Variants in TRIM33 observed in about 807,000 individuals in gnomAD.
TRIM33 encodes tripartite motif containing 33.
A neutral mutation model predicts 125.4 loss-of-function variants in TRIM33; 20 were observed. The ratio of observed to expected loss-of-function variants is 0.16; its 90% CI spans 0.11 to 0.23. The LOEUF (loss-of-function observed/expected upper bound fraction) is 0.23. TRIM33 is among the 10% of genes least tolerant of loss of function. The pLI is 1.00. For synonymous variants in TRIM33, 564 were observed against 513.9 expected, an observed-to-expected ratio of 1.10 and a Z score of -1.32; for missense variants, 920 against 1,411.4, an observed-to-expected ratio of 0.65 and a Z score of 5.58.
At chr1:114,454,402 T>C (rs1649506720) in intron 4 of TRIM33, among the ~76,000 whole-genome samples, 1 of 152,046 alleles carries the variant, frequency 6.6e-6, no homozygotes, top group Admixed American at 6.6e-5. Context: ...AGAAAAAAAG[T>C]AGGCCAGGCA....
At chr1:114,461,257 TTTATATATA>T (rs1649973361) in intron 4 of TRIM33, among the ~76,000 whole-genome samples, 1 of 146,500 alleles carries the variant, frequency 6.8e-6, no homozygotes, top group Non-Finnish European at 1.5e-5. Flanking sequence ...TATTTTATAT[TTTATATATA>T]TTATATATTT....
intron 1 of TRIM33, among the ~76,000 whole-genome samples, chr1:114,486,470 C>T (rs759246113): frequency 2.9e-5 from 4 of 138,930 alleles, no homozygotes; most frequent in Admixed American, 7.5e-5. Flanking sequence ...AAAAAATATA[C>T]AAAAATTAGC....
intron 1 of TRIM33, among the ~76,000 whole-genome samples, chr1:114,487,805 G>A (rs1048638195): frequency 6.7e-6 from 1 of 148,634 alleles, no homozygotes; most frequent in Non-Finnish European, 1.5e-5. Flanking sequence ...GCTGAGGCAG[G>A]AGAATGGCGT....
rs1164478772 is a variant in TRIM33, at chr1:114,421,600, C to G, written c.1897G>C (p.Val633Leu). 1 of 1,613,954 alleles carries G rather than the reference C, an allele frequency of 6.2e-7. No homozygotes were observed. The highest frequency in any genetic ancestry group is 2.2e-5 in the East Asian group (1 of 44,894). Residue 633 changes from valine to leucine, a missense_variant, in exon 11 of 20, where the codon GTA (valine) becomes CTA (leucine). By Grantham distance (32) the Val-to-Leu change is conservative. Around this residue, in one of 8 missense-constraint regions of TRIM33, gnomAD observed 407 missense variants for 589.7 expected, o/e 0.69. Transcript: ENST00000358465. ...NPGHAGPFPV[V>L]SVHNTTINPT... Reference sequence around the variant, plus strand: ...TTGATTGTGGTGTTGTGTACCGATACTACGGGAAAGGGTCCAGCATGCCCT... The same window carrying G: ...TTGATTGTGGTGTTGTGTACCGATAGTACGGGAAAGGGTCCAGCATGCCCT...
intron 2 of TRIM33, among the ~76,000 whole-genome samples, 192 bp from the exon 3 acceptor site, chr1:114,463,748 G>A (rs1372315897): frequency 6.7e-6 from 1 of 149,688 alleles, no homozygotes; most frequent in Admixed American, 6.7e-5. Flanking sequence ...CTGAGAACAC[G>A]AAGTCTGTGC....
At chr1:114,458,831 C>T (rs1030075530) in intron 4 of TRIM33, among the ~76,000 whole-genome samples, 1 of 151,910 alleles carries the variant, frequency 6.6e-6, no homozygotes, top group Non-Finnish European at 1.5e-5. Flanking sequence ...TTAATGGGGG[C>T]TCAACTATAC....
intron 16 of TRIM33, among the ~76,000 whole-genome samples, chr1:114,402,364 A>G (rs1572007621): frequency 6.6e-6 from 1 of 152,222 alleles, no homozygotes; most frequent in Non-Finnish European, 1.5e-5. Flanking sequence ...GATGTAAGGT[A>G]AGAAAATCAT....
At chr1:114,406,904 G>A in intron 14 of TRIM33, 37 bp downstream of exon 14, 3 of 1,593,240 alleles carry the variant, frequency 1.9e-6, no homozygotes, top group Non-Finnish European at 2.6e-6. Flanking sequence ...ATGAAGTGAT[G>A]TCCTTAAGTC....
chr1:114,455,023 A>G (rs1649540097), intron 4 of TRIM33, among the ~76,000 whole-genome samples: 1 of 152,164 alleles, frequency 6.6e-6, no homozygotes, highest in South Asian at 2.1e-4. Context: ...GGACTGTGAC[A>G]GTGATTGACT....
At position 114,395,882 on chromosome 1, in the gene TRIM33, T is replaced by C. The variant is rs1651517962; in HGVS notation, c.*1766A>G. 2 of 193,046 alleles carry C rather than the reference T, an allele frequency of 1.0e-5. No homozygotes were observed. Among genetic ancestry groups the C allele is most frequent in the Non-Finnish European group, 1.1e-5 (1 of 92,364 alleles). The allele number at this position is 193,046 out of a possible 1,614,324, so 12.0% of individuals were successfully genotyped here. A position where few individuals can be genotyped will look rare whatever the true frequency, so the allele number is the denominator to read the frequency against. Reference sequence around the variant, plus strand: ...TCATATTCCTGTTTACCCCCACCCCTTGTTAAGAAAAGAAAAACAACCCAA... The same window carrying C: ...TCATATTCCTGTTTACCCCCACCCCCTGTTAAGAAAAGAAAAACAACCCAA... On this transcript the variant is annotated 3_prime_UTR_variant, in exon 20 of 20. Coordinates refer to ENST00000358465, the MANE Select transcript of TRIM33 (RefSeq NM_015906.4).
rs1651988445 is a variant in TRIM33, at chr1:114,402,820, A to G, written c.2832T>C (p.Asp944=). 1 of 1,614,126 alleles carries G rather than the reference A, an allele frequency of 6.2e-7. No individual in the cohort carries two copies. Among genetic ancestry groups the G allele is most frequent in the African/African-American group, 1.3e-5 (1 of 75,038 alleles). The change falls in exon 16 of 20, where the codon GAT becomes GAC. Residue 944 remains aspartate, a synonymous_variant. Coordinates refer to ENST00000358465, the MANE Select transcript of TRIM33 (RefSeq NM_015906.4). ...IGKPEVEYDC[D]NLQHSKKGKT... is the part of the protein sequence containing the mutation. ...TCCCCTTCTTACTATGTTGCAAATT[A>G]TCACAATCATATTCAACTTCTGGCT...
Position 114,404,020 on chromosome 1 carries a change from T to G in TRIM33, c.2769-1137A>C, listed in dbSNP as rs1652072397. On this transcript the variant is annotated intron_variant, in intron 15 of 19. Transcript: ENST00000358465. ...ACTTTGTTTTTATCAGGATTTCTTA[T>G]CAAACTATGAATTCTAAAATGATTC... 2.0e-5 allele frequency among the ~76,000 whole-genome samples: 3 copies of G among 152,254 alleles called. No individual in the cohort carries two copies. The South Asian group carries it at 6.2e-4, about 32-fold the overall frequency.
intron 1 of TRIM33, among the ~76,000 whole-genome samples, chr1:114,492,942 G>A (rs567082836): frequency 6.6e-6 from 1 of 152,298 alleles, no homozygotes; most frequent in South Asian, 2.1e-4. Context: ...GGATTTGCTA[G>A]GTCACATGCT....
intron 6 of TRIM33, among the ~76,000 whole-genome samples, chr1:114,429,630 GAA>G (rs370027645): frequency 7.8e-6 from 1 of 127,878 alleles, no homozygotes. Context: ...AGATGGGACA[GAA>G]AAAAAAAAAA....
intron 1 of TRIM33, among the ~76,000 whole-genome samples, chr1:114,498,631 CA>C (rs1386879071): frequency 5.0e-5 from 7 of 140,620 alleles, no homozygotes; most frequent in South Asian, 2.2e-4. Context: ...GACTCCATCT[CA>C]AAAAAAAAAG....
At chr1:114,429,743 GT>G (rs1186877912) in intron 6 of TRIM33, among the ~76,000 whole-genome samples, 1 of 152,004 alleles carries the variant, frequency 6.6e-6, no homozygotes, top group African/African-American at 2.4e-5. Context: ...TCTGAACCTA[GT>G]TAAGAGCATG....
chr1:114,401,314 G>A (rs1572005915), intron 17 of TRIM33, 75 bp downstream of exon 17: 3 of 1,247,266 alleles, frequency 2.4e-6, no homozygotes, highest in Non-Finnish European at 3.4e-6. Flanking sequence ...GTGAGCCACC[G>A]CGCCCGGCCG....
chr1:114,426,849 C>A (rs1410960747), intron 8 of TRIM33, among the ~76,000 whole-genome samples: 1 of 152,104 alleles, frequency 6.6e-6, no homozygotes, highest in Non-Finnish European at 1.5e-5. Context: ...AACTAAAAAT[C>A]TATGAAATTA....
intron 5 of TRIM33, among the ~76,000 whole-genome samples, 174 bp downstream of exon 5, chr1:114,433,442 GT>G (rs1648093157): frequency 1.3e-5 from 2 of 152,254 alleles, no homozygotes; most frequent in Non-Finnish European, 2.9e-5. Context: ...GTATACAAGA[GT>G]TTGGTCAATT....
Sources: gnomAD v4.1 joint callset for allele counts (sites outside exome capture counted in the v4.1 genomes callset) on GRCh38, gnomAD v4.1.1 for gene constraint, gnomAD v4.1.1 regional missense constraint, MANE v1.5 for transcripts, NCBI Gene and HGNC (gene_info 2026-07-23, HGNC 2026-07-21) for gene names.